Variants in LINGO2 observed in about 807,000 individuals in gnomAD.
LINGO2 encodes leucine-rich repeat and immunoglobulin-like domain-containing nogo receptor-interacting protein 2.
Under a neutral mutation model 30.6 loss-of-function variants are expected in LINGO2, and 14 were observed. The observed-to-expected ratio is 0.46, with a 90% CI of 0.30 to 0.72. The LOEUF (loss-of-function observed/expected upper bound fraction) is 0.72, where lower values mean the gene tolerates loss of function less well. Among genes scored for constraint, LINGO2 ranks in the 30% least tolerant of loss-of-function variants. The pLI is 0.07. For synonymous variants in LINGO2, 317 were observed against 288.5 expected (o/e 1.10, Z -1.00); for missense variants, 729 against 751.7 (o/e 0.97, Z 0.35).
chr9:29,201,600 G>T, the LINGO2 span, among the ~76,000 whole-genome samples: 1 of 128,080 alleles, frequency 7.8e-6, no homozygotes, highest in Non-Finnish European at 1.7e-5. Flanking sequence ...TTATAAAAAG[G>T]CAGGGAAAAT....
chr9:28,611,458 C>T (rs1306113829), intron 1 of LINGO2, among the ~76,000 whole-genome samples: 2 of 152,078 alleles, frequency 1.3e-5, no homozygotes, highest in South Asian at 2.1e-4. Flanking sequence ...ACTACAGGCA[C>T]CATGCTGCAC....
intron 1 of LINGO2, among the ~76,000 whole-genome samples, chr9:28,622,492 C>T (rs191366780): frequency 1.3e-5 from 2 of 151,888 alleles, no homozygotes; most frequent in Admixed American, 1.3e-4. Flanking sequence ...TAATGATCTC[C>T]AGTTCCATGT....
intron 4 of LINGO2, among the ~76,000 whole-genome samples, chr9:28,244,819 C>CAAAA: frequency 7.1e-6 from 1 of 140,464 alleles, no homozygotes; most frequent in Middle Eastern, 3.7e-3. Flanking sequence ...GTATGCCAAC[C>CAAAA]AAAAAAAAAA....
At chr9:28,523,242 T>G (rs549159825) in intron 1 of LINGO2, among the ~76,000 whole-genome samples, 1 of 151,930 alleles carries the variant, frequency 6.6e-6, no homozygotes, top group Admixed American at 6.6e-5. Flanking sequence ...GATTTAGAAG[T>G]GCAGCTTGAA....
At chr9:28,137,176 C>A (rs953056276) in intron 4 of LINGO2, among the ~76,000 whole-genome samples, 13 of 133,646 alleles carry the variant, frequency 9.7e-5, no homozygotes, top group African/African-American at 3.5e-4. Context: ...TTTATATATT[C>A]ATACATATAT....
chr9:28,603,460 G>A (rs1825574930), intron 1 of LINGO2, among the ~76,000 whole-genome samples: 1 of 151,940 alleles, frequency 6.6e-6, no homozygotes. Context: ...GAATCATAGT[G>A]GTTTCTGAAC....
chr9:28,188,747 T>C (rs1819635154), intron 4 of LINGO2, among the ~76,000 whole-genome samples: 1 of 152,182 alleles, frequency 6.6e-6, no homozygotes, highest in African/African-American at 2.4e-5. Flanking sequence ...CACCTGCTTC[T>C]ATATTCCCAT....
At chr9:29,209,943 C>G in the LINGO2 span, among the ~76,000 whole-genome samples, 1 of 152,108 alleles carries the variant, frequency 6.6e-6, no homozygotes, top group Non-Finnish European at 1.5e-5. Flanking sequence ...ATATAGTGAC[C>G]TCCTCTCCTT....
At chr9:28,327,584 A>ACAGT (rs1825275635) in intron 3 of LINGO2, among the ~76,000 whole-genome samples, 2 of 152,104 alleles carry the variant, frequency 1.3e-5, no homozygotes, top group Admixed American at 1.3e-4. Flanking sequence ...TATTCCCTTT[A>ACAGT]CAGTCAAACT....
the LINGO2 span, among the ~76,000 whole-genome samples, chr9:28,675,555 T>C: frequency 1.3e-5 from 2 of 152,022 alleles, no homozygotes; most frequent in Non-Finnish European, 2.9e-5. Context: ...AAATTAATAT[T>C]AAGTTTTAAA....
the LINGO2 span, among the ~76,000 whole-genome samples, chr9:28,999,286 G>T: frequency 1.3e-5 from 2 of 151,966 alleles, no homozygotes; most frequent in African/African-American, 4.8e-5. Context: ...GATTCTATTT[G>T]TCTAGCTCTG....
intron 1 of LINGO2, among the ~76,000 whole-genome samples, chr9:28,653,584 C>T (rs889657613): frequency 6.6e-6 from 1 of 152,110 alleles, no homozygotes; most frequent in South Asian, 2.1e-4. Flanking sequence ...TGACTTATTT[C>T]CCTCTCAGAT....
the LINGO2 span, among the ~76,000 whole-genome samples, chr9:28,708,890 T>C: frequency 6.6e-6 from 1 of 152,136 alleles, no homozygotes; most frequent in Non-Finnish European, 1.5e-5. Context: ...CTAGACCTGA[T>C]CTATAATAGA....
chr9:28,023,819 A>G (rs1255304675), intron 4 of LINGO2, among the ~76,000 whole-genome samples: 1 of 152,142 alleles, frequency 6.6e-6, no homozygotes, highest in African/African-American at 2.4e-5. Flanking sequence ...AAAACTTACC[A>G]AAGTATGGGG....
intron 3 of LINGO2, among the ~76,000 whole-genome samples, chr9:28,356,278 G>T (rs1413955870): frequency 6.6e-6 from 1 of 151,984 alleles, no homozygotes; most frequent in Non-Finnish European, 1.5e-5. Context: ...TTCCAAGCAG[G>T]TATATTTCTC....
chr9:29,009,695 G>A, the LINGO2 span, among the ~76,000 whole-genome samples: 736 of 152,124 alleles, frequency 4.8e-3, 6 homozygotes, highest in African/African-American at 0.017. Context: ...AAGTTCATAT[G>A]GAACCAAAAA....
the LINGO2 span, among the ~76,000 whole-genome samples, chr9:28,681,908 T>C: frequency 9.9e-5 from 15 of 152,098 alleles, no homozygotes; most frequent in Non-Finnish European, 1.9e-4. Context: ...TATAAAATAA[T>C]TTTAGTCTAA....
the LINGO2 span, among the ~76,000 whole-genome samples, chr9:29,033,383 T>G: frequency 6.7e-6 from 1 of 149,510 alleles, no homozygotes; most frequent in African/African-American, 2.4e-5. Flanking sequence ...CTTTACTATA[T>G]ATATATATAT....
intron 4 of LINGO2, among the ~76,000 whole-genome samples, chr9:28,208,269 C>T (rs974569667): frequency 3.9e-5 from 6 of 151,988 alleles, no homozygotes; most frequent in African/African-American, 1.4e-4. Flanking sequence ...ATAACAGTAA[C>T]CTACTCTAAC....
Sources: gnomAD v4.1 joint callset for allele counts (sites outside exome capture counted in the v4.1 genomes callset) on GRCh38, gnomAD v4.1.1 for gene constraint, MANE v1.5 for transcripts, NCBI Gene and HGNC (gene_info 2026-07-23, HGNC 2026-07-21) for gene names.